Variants in AGBL4 observed in about 807,000 individuals in gnomAD.
AGBL4 encodes the protein cytosolic carboxypeptidase 6.
AGBL4 carries 58 observed loss-of-function variants against 66.4 expected under a neutral mutation model. The ratio of observed to expected loss-of-function variants is 0.87; its 90% confidence interval spans 0.71 to 1.09. The LOEUF is 1.09. Among genes scored for constraint, AGBL4 ranks in the 50% least tolerant of loss-of-function variants. AGBL4 has a pLI of 0.00. For synonymous variants in AGBL4, 234 were observed against 222.9 expected (o/e 1.05, Z -0.44); for missense variants, 579 against 631.0 (o/e 0.92, Z 0.88).
At chr1:49,829,753 G>A (rs1007006947) in intron 2 of AGBL4, among the ~76,000 whole-genome samples, 14 of 152,052 alleles carry the variant, frequency 9.2e-5, no homozygotes, top group African/African-American at 3.1e-4. Context: ...TTCTCCCAAT[G>A]CTATCCCTCC....
In AGBL4 at chr1:49,344,319, GA is replaced by G. The variant is rs200949507; in HGVS notation, c.283-98456del. Among the ~76,000 whole-genome samples the G allele has an allele frequency of 4.3e-3, 619 of 145,202 alleles. 4 individuals are homozygous for G. Among genetic ancestry groups the G allele is most frequent in the African/African-American group, 0.013 (500 of 39,580 alleles). Reference sequence around the variant, plus strand: ...TAAAACTTAAAGTATAATAATAAAAGAAAAAAAAAAGACTACTGGAGAAACA... The same window carrying G: ...TAAAACTTAAAGTATAATAATAAAAGAAAAAAAAAGACTACTGGAGAAACA... On this transcript the variant is annotated intron_variant, in intron 3 of 13. Transcript: ENST00000371839.
chr1:49,890,464 A>G (rs942838220), intron 1 of AGBL4, among the ~76,000 whole-genome samples: 1 of 147,314 alleles, frequency 6.8e-6, no homozygotes, highest in Non-Finnish European at 1.5e-5. Flanking sequence ...CATGGAGGAG[A>G]AAAAAAAAGT....
intron 7 of AGBL4, among the ~76,000 whole-genome samples, chr1:48,654,839 A>G (rs1422025033): frequency 6.6e-6 from 1 of 152,266 alleles, no homozygotes; most frequent in Admixed American, 6.5e-5. Flanking sequence ...TTCTCGGCTA[A>G]CGCGGCAGTA....
intron 6 of AGBL4, among the ~76,000 whole-genome samples, chr1:48,748,013 CTT>C (rs1399373517): frequency 1.3e-5 from 2 of 152,170 alleles, no homozygotes; most frequent in Admixed American, 6.5e-5. Context: ...ATCCTATTTT[CTT>C]CATAAATGCA....
intron 3 of AGBL4, among the ~76,000 whole-genome samples, chr1:49,313,504 G>A (rs529644445): frequency 9.9e-5 from 15 of 152,192 alleles, no homozygotes; most frequent in African/African-American, 2.2e-4. Flanking sequence ...TTGTAAAAGC[G>A]TTCCTATTTC....
intron 6 of AGBL4, among the ~76,000 whole-genome samples, chr1:48,666,125 A>G (rs1344435541): frequency 6.6e-6 from 1 of 152,202 alleles, no homozygotes; most frequent in Non-Finnish European, 1.5e-5. Context: ...GAGCATTATA[A>G]TCATCTTTAG....
At position 49,898,622 on chromosome 1, in the gene AGBL4, G is replaced by A. The variant is rs190605268; in HGVS notation, c.35-47104C>T. On this transcript the variant is annotated intron_variant, in intron 1 of 13. Transcript: ENST00000371839. Reference sequence around the variant, plus strand: ...AACAATCCCACTGCTAGGCATATACGCAAAGGAAAAAAAATCAGTATATCA... The same window carrying A: ...AACAATCCCACTGCTAGGCATATACACAAAGGAAAAAAAATCAGTATATCA... Among the ~76,000 whole-genome samples, 14 of 151,996 alleles carry A rather than the reference G, an allele frequency of 9.2e-5. No individual in the cohort carries two copies. The East Asian group carries it at 2.3e-3, about 25-fold the overall frequency.
intron 4 of AGBL4, among the ~76,000 whole-genome samples, chr1:49,082,091 A>G (rs944105763): frequency 6.6e-6 from 1 of 152,234 alleles, no homozygotes; most frequent in African/African-American, 2.4e-5. Context: ...TTCAACATAA[A>G]TGAAAGTATA....
intron 3 of AGBL4, among the ~76,000 whole-genome samples, chr1:49,340,766 GC>G (rs1645523945): frequency 6.6e-6 from 1 of 152,172 alleles, no homozygotes; most frequent in Admixed American, 6.5e-5. Context: ...AGAATGTTAG[GC>G]ATTCTCAGTC....
chr1:49,938,828 C>A (rs1308165715), intron 1 of AGBL4, among the ~76,000 whole-genome samples: 1 of 151,662 alleles, frequency 6.6e-6, no homozygotes, highest in Admixed American at 6.6e-5. Context: ...ATAAATTCAA[C>A]ATAGTGTTGG....
chr1:49,830,027 T>C (rs1645617959), intron 2 of AGBL4, among the ~76,000 whole-genome samples: 1 of 152,188 alleles, frequency 6.6e-6, no homozygotes, highest in Non-Finnish European at 1.5e-5. Flanking sequence ...TAGTGGGCAT[T>C]TGGGTTAGTT....
intron 5 of AGBL4, among the ~76,000 whole-genome samples, chr1:49,022,781 G>A (rs549670779): frequency 2.6e-5 from 4 of 152,220 alleles, no homozygotes; most frequent in Non-Finnish European, 5.9e-5. Flanking sequence ...TATTAATAAG[G>A]TGTATATTAC....
intron 1 of AGBL4, among the ~76,000 whole-genome samples, chr1:49,897,647 G>A (rs1022156877): frequency 5.9e-5 from 9 of 151,808 alleles, no homozygotes; most frequent in African/African-American, 2.2e-4. Context: ...AAGACCCAAA[G>A]CTATCCTAAG....
chr1:49,606,014 A>G (rs148116420), intron 3 of AGBL4, among the ~76,000 whole-genome samples: 98 of 152,252 alleles, frequency 6.4e-4, no homozygotes, highest in African/African-American at 2.2e-3. Context: ...GAATTTTTCA[A>G]TAACAGCTAC....
At chr1:49,124,116 T>C (rs981332213) in intron 4 of AGBL4, among the ~76,000 whole-genome samples, 3 of 152,212 alleles carry the variant, frequency 2.0e-5, no homozygotes, top group Admixed American at 6.5e-5. Context: ...ATTTTTATAA[T>C]ACACTTCAAA....
At chr1:49,496,866 A>T (rs1434505823) in intron 3 of AGBL4, among the ~76,000 whole-genome samples, 1 of 151,634 alleles carries the variant, frequency 6.6e-6, no homozygotes, top group Non-Finnish European at 1.5e-5. Context: ...TGTTGATTTC[A>T]TTTCCTTTGG....
At chr1:49,689,522 T>A (rs1422731275) in intron 3 of AGBL4, among the ~76,000 whole-genome samples, 1 of 152,206 alleles carries the variant, frequency 6.6e-6, no homozygotes, top group Non-Finnish European at 1.5e-5. Flanking sequence ...TCCAGTTTTG[T>A]TATTTTTGCT....
intron 3 of AGBL4, among the ~76,000 whole-genome samples, chr1:49,317,908 C>A (rs1160214922): frequency 1.3e-5 from 2 of 151,936 alleles, no homozygotes; most frequent in East Asian, 3.9e-4. Flanking sequence ...CTTTGTAGTT[C>A]TTTATTTGAA....
intron 3 of AGBL4, among the ~76,000 whole-genome samples, chr1:49,422,272 T>C (rs139905638): frequency 1.2e-3 from 189 of 152,292 alleles, no homozygotes; most frequent in African/African-American, 4.4e-3. Flanking sequence ...AAAATTTTGC[T>C]GTTAATTTCA....
Sources: gnomAD v4.1 joint callset for allele counts (sites outside exome capture counted in the v4.1 genomes callset) on GRCh38, gnomAD v4.1.1 for gene constraint, MANE v1.5 for transcripts, NCBI Gene and HGNC (gene_info 2026-07-23, HGNC 2026-07-21) for gene names.